The following NTRK2 variants were observed in gnomAD, a reference collection of about 807,000 sequenced individuals.
NTRK2 encodes BDNF/NT-3 growth factors receptor.
A neutral mutation model predicts 94.5 loss-of-function variants in NTRK2; 13 were observed. The ratio of observed to expected loss-of-function variants is 0.14; its 90% CI spans 0.09 to 0.22. NTRK2 has a LOEUF of 0.22. NTRK2 is among the 10% of genes least tolerant of loss of function. The pLI, the probability that NTRK2 is intolerant of heterozygous loss-of-function variation, is 1.00. For synonymous variants in NTRK2, 372 were observed against 407.4 expected (o/e 0.91, Z 1.05); for missense variants, 639 against 1,071.2 (o/e 0.60, Z 5.63).
At chr9:84,984,146 G>A (rs1827999085) in intron 17 of NTRK2, among the ~76,000 whole-genome samples, 1 of 152,092 alleles carries the variant, frequency 6.6e-6, no homozygotes, top group South Asian at 2.1e-4. Flanking sequence ...TCAAACTCTG[G>A]CCTGAGTAAG....
intron 13 of NTRK2, among the ~76,000 whole-genome samples, chr9:84,862,916 G>A (rs2075400055): frequency 6.6e-6 from 1 of 152,172 alleles, no homozygotes; most frequent in South Asian, 2.1e-4. Flanking sequence ...GGGGTGGGGA[G>A]GGCAGGTGGA....
At chr9:84,735,394 C>G (rs1032866526) in intron 9 of NTRK2, among the ~76,000 whole-genome samples, 1 of 152,114 alleles carries the variant, frequency 6.6e-6, no homozygotes, top group Non-Finnish European at 1.5e-5. Flanking sequence ...TTCTAACAAG[C>G]TCCCCGATGA....
intron 12 of NTRK2, among the ~76,000 whole-genome samples, chr9:84,799,779 G>A (rs2133365178): frequency 6.6e-6 from 1 of 152,236 alleles, no homozygotes; most frequent in East Asian, 1.9e-4. Flanking sequence ...TCAGTTGGGG[G>A]TGGGAGAGGT....
At chr9:84,990,799 A>T (rs11140820) in intron 17 of NTRK2, among the ~76,000 whole-genome samples, 2,691 of 152,298 alleles carry the variant, frequency 0.018, 40 homozygotes, top group Middle Eastern at 0.051. Context: ...ACAGGAAGAA[A>T]AGAGACCTGA....
At chr9:84,954,835 A>ACC (rs911862665) in intron 16 of NTRK2, among the ~76,000 whole-genome samples, 1 of 152,048 alleles carries the variant, frequency 6.6e-6, no homozygotes, top group Admixed American at 6.6e-5. Context: ...AGGGGTGGGG[A>ACC]CCCACTGGGC....
chr9:84,858,281 T>C (rs993589062), intron 12 of NTRK2, among the ~76,000 whole-genome samples: 2 of 152,208 alleles, frequency 1.3e-5, no homozygotes, highest in African/African-American at 4.8e-5. Context: ...GCAGCCAAAA[T>C]GATTTCTCTA....
chr9:84,851,883 C>T (rs1439900711), intron 12 of NTRK2, among the ~76,000 whole-genome samples: 1 of 152,116 alleles, frequency 6.6e-6, no homozygotes, highest in Non-Finnish European at 1.5e-5. Context: ...AAAGAATTTG[C>T]ATGTTTTATA....
intron 12 of NTRK2, among the ~76,000 whole-genome samples, chr9:84,802,067 C>G (rs1056295355): frequency 5.9e-5 from 9 of 152,184 alleles, no homozygotes; most frequent in African/African-American, 2.2e-4. Flanking sequence ...CTTTTAATCA[C>G]TTTGACTTAG....
chr9:85,005,202 T>C (rs1366366399), intron 17 of NTRK2, among the ~76,000 whole-genome samples: 1 of 152,156 alleles, frequency 6.6e-6, no homozygotes, highest in Non-Finnish European at 1.5e-5. Flanking sequence ...AGGAAGAGAC[T>C]CCCTCCTGAA....
rs1435406389 is a variant in NTRK2 at position 84,872,017 on chromosome 9, C to A, written c.1633+4586C>A. 4.0e-6 allele frequency: 6 copies of A among 1,483,826 alleles called. No individual in the cohort carries two copies. The African/African-American group carries it at 5.6e-5, about 14-fold the overall frequency. 91.9% of individuals were successfully genotyped at this position (1,483,826 alleles called of 1,614,324 possible). ...CAAAGCAGTGTGCTCTAATGACTAA[C>A]CCCTCAAAGTACTATGCCACTTTAA... On this transcript the variant is annotated intron_variant, in intron 14 of 18. Coordinates refer to ENST00000277120, the MANE Select transcript of NTRK2 (RefSeq NM_006180.6).
At chr9:84,782,035 AAAACACAC>A in intron 12 of NTRK2, among the ~76,000 whole-genome samples, 1 of 60,654 alleles carries the variant, frequency 1.6e-5, no homozygotes, top group South Asian at 7.2e-4. Context: ...GGCCTCCAAG[AAAACACAC>A]ACACACACAC....
chr9:84,969,610 A>G (rs914987181), intron 17 of NTRK2, among the ~76,000 whole-genome samples: 4 of 152,264 alleles, frequency 2.6e-5, no homozygotes, highest in African/African-American at 9.6e-5. Context: ...TGGCGGTCTA[A>G]TAGCTATTAA....
rs2132978339 is a variant in NTRK2 at position 84,955,461 on chromosome 9, G to C, written c.2116G>C (p.Val706Leu). Reference sequence around the variant, plus strand: ...CTGCCTGGTCGGGGAGAACTTGCTGGTGAAAATCGGGGACTTTGGGATGTC... The same window carrying C: ...CTGCCTGGTCGGGGAGAACTTGCTGCTGAAAATCGGGGACTTTGGGATGTC... ...RNCLVGENLLVKIGDFGMSRD... is the reference protein window; with the variant it reads ...RNCLVGENLLLKIGDFGMSRD... Residue 706 changes from valine (V) to leucine (L), a missense_variant, in exon 17 of 19, where the codon GTG (valine) becomes CTG (leucine). Physicochemically the swap from Val to Leu is conservative, Grantham distance 32. Coordinates refer to ENST00000277120, the MANE Select transcript of NTRK2 (RefSeq NM_006180.6). 1 of 1,614,228 alleles carries C rather than the reference G, an allele frequency of 6.2e-7. No homozygotes were observed. Among genetic ancestry groups the C allele is most frequent in the Non-Finnish European group, 8.5e-7 (1 of 1,180,046 alleles).
chr9:84,889,269 C>T (rs145467745), intron 14 of NTRK2, among the ~76,000 whole-genome samples: 3,578 of 151,934 alleles, frequency 0.024, 148 homozygotes, highest in African/African-American at 0.081. Context: ...GGATTACAGG[C>T]GTGAGCCACC....
At chr9:84,950,154 A>T (rs2078730539) in intron 16 of NTRK2, among the ~76,000 whole-genome samples, 2 of 152,134 alleles carry the variant, frequency 1.3e-5, no homozygotes, top group South Asian at 4.2e-4. Context: ...GTAGGAGCGA[A>T]TGGGGAACGT....
upstream of NTRK2, among the ~76,000 whole-genome samples, chr9:84,669,041 A>G (rs922534652): frequency 6.6e-6 from 1 of 151,962 alleles, no homozygotes; most frequent in African/African-American, 2.4e-5. This position sits in a 1 kb window ranked among gnomAD's most constrained non-coding sequence, Gnocchi z 4.1. Flanking sequence ...CCACTTAGAG[A>G]GCTAGAATTG....
At chr9:84,985,504 A>T (rs913340010) in intron 17 of NTRK2, among the ~76,000 whole-genome samples, 1 of 152,242 alleles carries the variant, frequency 6.6e-6, no homozygotes, top group Admixed American at 6.5e-5. Flanking sequence ...AGGTCTGTTA[A>T]TCGCTGGTAG....
intron 17 of NTRK2, among the ~76,000 whole-genome samples, chr9:85,001,412 G>A (rs1040487124): frequency 1.2e-4 from 19 of 152,258 alleles, no homozygotes; most frequent in African/African-American, 3.4e-4. Flanking sequence ...TCTGCCACTG[G>A]TCCTCTCAGC....
intron 17 of NTRK2, among the ~76,000 whole-genome samples, chr9:84,988,363 A>G (rs1380621591): frequency 6.6e-6 from 1 of 152,168 alleles, no homozygotes; most frequent in Admixed American, 6.5e-5. Context: ...ATGTAAACCC[A>G]AGGTTCTTAA....
Sources: gnomAD v4.1 joint callset for allele counts (sites outside exome capture counted in the v4.1 genomes callset) on GRCh38, gnomAD v4.1.1 for gene constraint, Gnocchi (gnomAD v3.1) non-coding constraint, MANE v1.5 for transcripts, NCBI Gene and HGNC (gene_info 2026-07-23, HGNC 2026-07-21) for gene names.